WDFY3: variants seen among roughly 807,000 people sequenced by gnomAD.
The protein encoded by WDFY3 is WD repeat and FYVE domain containing 3, also known as WD repeat and FYVE domain-containing protein 3.
In WDFY3, 66 loss-of-function variants were observed where a neutral mutation model predicts 409.6. That is an observed-to-expected ratio of 0.16 (90% CI 0.13 to 0.20). The LOEUF is 0.20. Among genes scored for constraint, WDFY3 ranks in the 10% least tolerant of loss-of-function variants. The pLI is 1.00. For missense variants in WDFY3, 3,031 were observed against 4,298.1 expected (o/e 0.71, Z 8.24); for synonymous variants, 1,521 against 1,537.1 (o/e 0.99, Z 0.25).
chr4:84,957,411 G>C (rs1399387443), intron 1 of WDFY3, among the ~76,000 whole-genome samples: 2 of 151,980 alleles, frequency 1.3e-5, no homozygotes, highest in African/African-American at 4.8e-5. Flanking sequence ...CAAAAATGAG[G>C]GGTAAGTGAC....
At chr4:84,927,942 T>C (rs1458146369) in intron 2 of WDFY3, among the ~76,000 whole-genome samples, 1 of 152,222 alleles carries the variant, frequency 6.6e-6, no homozygotes, top group Non-Finnish European at 1.5e-5. Flanking sequence ...GCTCATCCCA[T>C]TTCTGCTGAA....
chr4:84,865,730 C>A (rs1051084854), intron 3 of WDFY3, among the ~76,000 whole-genome samples: 15 of 152,154 alleles, frequency 9.9e-5, no homozygotes, highest in Non-Finnish European at 1.2e-4. Flanking sequence ...ATGATCCCTA[C>A]ATCTATCATG....
In WDFY3 at chr4:84,735,166, GA is replaced by G; in HGVS notation, c.6916-47del. On this transcript the variant is annotated intron_variant, in intron 42 of 67. Transcript: ENST00000295888. ...AGTCTTAATATTTCATGGATTTCTGGAAAAAAATAGTTAATTACCCTTGAAA... is the reference window on the plus strand; with the variant it reads ...AGTCTTAATATTTCATGGATTTCTGGAAAAAATAGTTAATTACCCTTGAAA... 2.6e-6 allele frequency: 4 copies of G among 1,519,960 alleles called. No homozygotes were observed. The East Asian group carries it at 6.8e-5, about 26-fold the overall frequency. 94.2% of individuals were successfully genotyped at this position (1,519,960 alleles called of 1,614,324 possible). A position where few individuals can be genotyped will look rare whatever the true frequency, so the allele number is the denominator to read the frequency against.
chr4:84,813,826 CCAA>C (rs1290476030), intron 13 of WDFY3, among the ~76,000 whole-genome samples: 13 of 152,072 alleles, frequency 8.5e-5, no homozygotes, highest in Admixed American at 8.5e-4. Context: ...CTATGTTCTC[CCAA>C]CAATTCCTTC....
chr4:84,785,922 T>G, intron 24 of WDFY3, 57 bp downstream of exon 24: 4 of 1,587,266 alleles, frequency 2.5e-6, no homozygotes, highest in Non-Finnish European at 3.4e-6. Context: ...TATGAGACTC[T>G]GAGACATGTT....
intron 2 of WDFY3, among the ~76,000 whole-genome samples, chr4:84,908,382 A>C (rs539239065): frequency 3.9e-5 from 6 of 152,198 alleles, no homozygotes; most frequent in Non-Finnish European, 8.8e-5. Flanking sequence ...TCTCCAGAAC[A>C]CTAAAAAAGG....
At chr4:84,897,347 G>A (rs183455242) in intron 2 of WDFY3, among the ~76,000 whole-genome samples, 33 of 152,008 alleles carry the variant, frequency 2.2e-4, no homozygotes, top group African/African-American at 7.7e-4. Context: ...GCTAAATAAC[G>A]TATGAGTATG....
At chr4:84,752,746 A>G (rs1740755004) in intron 35 of WDFY3, among the ~76,000 whole-genome samples, 1 of 152,172 alleles carries the variant, frequency 6.6e-6, no homozygotes, top group Non-Finnish European at 1.5e-5. Flanking sequence ...AAGGTCATTT[A>G]TCCCAGGTCC....
At chr4:84,954,626 ATTTAT>A (rs1396051630) in intron 1 of WDFY3, among the ~76,000 whole-genome samples, 2 of 152,192 alleles carry the variant, frequency 1.3e-5, no homozygotes, top group Non-Finnish European at 2.9e-5. Context: ...AACAGTGAAC[ATTTAT>A]TTTCTTAATT....
chr4:84,738,513 A>C (rs1737848711), intron 40 of WDFY3, among the ~76,000 whole-genome samples: 1 of 151,914 alleles, frequency 6.6e-6, no homozygotes, highest in Non-Finnish European at 1.5e-5. Flanking sequence ...GAGACATGAG[A>C]ATCACTTGAA....
At chr4:84,919,374 T>C (rs997208263) in intron 2 of WDFY3, among the ~76,000 whole-genome samples, 2 of 152,180 alleles carry the variant, frequency 1.3e-5, no homozygotes, top group East Asian at 3.8e-4. Flanking sequence ...GCAAGTATCA[T>C]CAATGGATGC....
intron 38 of WDFY3, 129 bp downstream of exon 38, chr4:84,741,632 A>T: frequency 8.7e-7 from 1 of 1,149,212 alleles, no homozygotes; most frequent in East Asian, 2.7e-5. Flanking sequence ...ATTCACTTTT[A>T]ATAAGCTTAG....
At chr4:84,860,146 T>C (rs1760398407) in intron 4 of WDFY3, among the ~76,000 whole-genome samples, 1 of 152,172 alleles carries the variant, frequency 6.6e-6, no homozygotes, top group African/African-American at 2.4e-5. Flanking sequence ...ATCTCAACCA[T>C]AACAGGGCCA....
chr4:84,772,294 A>G (rs1385676875), intron 30 of WDFY3, among the ~76,000 whole-genome samples: 1 of 152,196 alleles, frequency 6.6e-6, no homozygotes, highest in Non-Finnish European at 1.5e-5. Context: ...GGGAGGATAT[A>G]TATGTACTAA....
chr4:84,932,964 T>C (rs980223323), intron 1 of WDFY3, among the ~76,000 whole-genome samples: 1 of 152,170 alleles, frequency 6.6e-6, no homozygotes, highest in African/African-American at 2.4e-5. Flanking sequence ...AACATTAGCA[T>C]ATGAATCATG....
chr4:84,859,841 C>T (rs562880095), intron 4 of WDFY3, among the ~76,000 whole-genome samples: 13 of 152,264 alleles, frequency 8.5e-5, no homozygotes, highest in African/African-American at 3.1e-4. Context: ...TCCTAAAGTG[C>T]TGGGATTACA....
intron 24 of WDFY3, among the ~76,000 whole-genome samples, chr4:84,783,554 T>C (rs1258068319): frequency 6.6e-6 from 1 of 152,142 alleles, no homozygotes; most frequent in African/African-American, 2.4e-5. Context: ...ATAAAGATGG[T>C]GAGAGGATCT....
intron 25 of WDFY3, among the ~76,000 whole-genome samples, chr4:84,781,881 C>G (rs967284425): frequency 6.6e-6 from 1 of 152,110 alleles, no homozygotes; most frequent in Admixed American, 6.6e-5. Context: ...GAAAAACAAA[C>G]ATTTATGCAA....
Position 84,821,421 on chromosome 4 carries a change from G to A in WDFY3, c.1254C>T (p.Tyr418=), listed in dbSNP as rs567870842. 43 of 1,613,936 alleles carry A rather than the reference G, an allele frequency of 2.7e-5. 1 individual carries two copies. The South Asian group carries it at 3.6e-4, about 14-fold the overall frequency. ...TNIYMADNAN[Y]FILESQHTLS... ...ATGTGTGCTGTGACTCTAGGATGAA[G>A]TAATTGGCATTGTCAGCCATGTAAA... The change falls in exon 11 of 68, where the codon TAC becomes TAT. Residue 418 remains tyrosine, a synonymous_variant. Transcript: ENST00000295888.
Sources: gnomAD v4.1 joint callset for allele counts (sites outside exome capture counted in the v4.1 genomes callset) on GRCh38, gnomAD v4.1.1 for gene constraint, MANE v1.5 for transcripts, NCBI Gene and HGNC (gene_info 2026-07-23, HGNC 2026-07-21) for gene names.